The following POU6F2 variants were observed in gnomAD, a reference collection of about 807,000 sequenced individuals.
POU6F2 encodes POU class 6 homeobox 2.
A neutral mutation model predicts 71.3 loss-of-function variants in POU6F2; 31 were observed. That is an observed-to-expected ratio of 0.43 (90% CI 0.33 to 0.59). POU6F2 has a LOEUF of 0.59. Among genes scored for constraint, POU6F2 ranks in the 20% least tolerant of loss-of-function variants. POU6F2 has a pLI of 0.04. For missense variants in POU6F2, 783 were observed against 856.8 expected (o/e 0.91, Z 1.07); for synonymous variants, 347 against 355.7 (o/e 0.98, Z 0.27).
At chr7:39,255,901 CT>C (rs1784011029) in intron 4 of POU6F2, among the ~76,000 whole-genome samples, 1 of 152,184 alleles carries the variant, frequency 6.6e-6, no homozygotes, top group Non-Finnish European at 1.5e-5. Flanking sequence ...GTATCTTCTG[CT>C]TTTCTAGCCT....
chr7:39,161,335 G>A (rs963422494), intron 2 of POU6F2, among the ~76,000 whole-genome samples: 4 of 152,094 alleles, frequency 2.6e-5, no homozygotes, highest in Admixed American at 6.5e-5. Context: ...AAACTGATAC[G>A]CTACTTGAGT....
At chr7:39,265,307 C>T (rs1784218004) in intron 4 of POU6F2, among the ~76,000 whole-genome samples, 1 of 152,138 alleles carries the variant, frequency 6.6e-6, no homozygotes, top group African/African-American at 2.4e-5. Flanking sequence ...GCCAGCCTGC[C>T]TTACCAGAGC....
At chr7:39,251,869 C>A (rs1485269030) in intron 4 of POU6F2, among the ~76,000 whole-genome samples, 1 of 152,154 alleles carries the variant, frequency 6.6e-6, no homozygotes, top group Non-Finnish European at 1.5e-5. Flanking sequence ...TTCTTCCCTC[C>A]TTTGACCACC....
intron 4 of POU6F2, among the ~76,000 whole-genome samples, chr7:39,243,756 G>A (rs1783766711): frequency 6.6e-6 from 1 of 151,802 alleles, no homozygotes; most frequent in Admixed American, 6.6e-5. Context: ...AGCTCTGTTA[G>A]GATAGTACTC....
At chr7:39,294,905 C>G (rs1784819373) in intron 4 of POU6F2, among the ~76,000 whole-genome samples, 1 of 152,154 alleles carries the variant, frequency 6.6e-6, no homozygotes, top group South Asian at 2.1e-4. Flanking sequence ...ATTTCAGAGT[C>G]AGGCCTGGGA....
chr7:39,453,522 C>T (rs555433273), intron 8 of POU6F2, among the ~76,000 whole-genome samples: 1 of 152,300 alleles, frequency 6.6e-6, no homozygotes, highest in Non-Finnish European at 1.5e-5. Flanking sequence ...CAACCTCCTA[C>T]TAATACAGTG....
chr7:39,207,606 T>G lies in POU6F2; in HGVS notation c.584T>G (p.Leu195Arg). 1 of 1,613,744 alleles carries G rather than the reference T, an allele frequency of 6.2e-7. No homozygotes were observed. Among genetic ancestry groups the G allele is most frequent in the South Asian group, 1.1e-5 (1 of 91,060 alleles). ...GCCGGAGGCATTATGACTCTGCCAC[T>G]GCAAAATCTACAAGGTAATCCATAA... ...AAAGGIMTLPLQNLQATSSLN... is the reference protein window; with the variant it reads ...AAAGGIMTLPRQNLQATSSLN... Residue 195 changes from leucine (L) to arginine (R), a missense_variant, in exon 4 of 10, where the codon CTG (leucine) becomes CGG (arginine). Physicochemically the swap from Leu to Arg is moderately radical, Grantham distance 102. Coordinates refer to ENST00000518318, the MANE Select transcript of POU6F2 (RefSeq NM_001370959.1).
At chr7:39,032,688 G>A (rs538589698) in intron 1 of POU6F2, among the ~76,000 whole-genome samples, 27 of 152,270 alleles carry the variant, frequency 1.8e-4, no homozygotes, top group Admixed American at 1.2e-3. Flanking sequence ...TTTGATCTGC[G>A]TATTGCAGGA....
At chr7:39,249,637 A>C (rs1783879515) in intron 4 of POU6F2, among the ~76,000 whole-genome samples, 1 of 152,208 alleles carries the variant, frequency 6.6e-6, no homozygotes, top group African/African-American at 2.4e-5. Context: ...ACAGGACATA[A>C]AAAGCAGCTT....
intron 2 of POU6F2, among the ~76,000 whole-genome samples, chr7:39,117,098 T>C (rs1243910905): frequency 1.3e-5 from 2 of 152,208 alleles, no homozygotes; most frequent in East Asian, 1.9e-4. Context: ...TTTTGAAAGA[T>C]AGGTATGTTT....
At chr7:39,388,752 C>T (rs533425368) in intron 5 of POU6F2, among the ~76,000 whole-genome samples, 5 of 152,246 alleles carry the variant, frequency 3.3e-5, no homozygotes, top group African/African-American at 4.8e-5. Context: ...CTGTCAAGTG[C>T]GTCTATCTAT....
chr7:39,096,145 C>T (rs1376402471), intron 2 of POU6F2, among the ~76,000 whole-genome samples: 1 of 152,142 alleles, frequency 6.6e-6, no homozygotes. Flanking sequence ...GTCCTCTTAA[C>T]ATTTGTAATA....
chr7:39,450,376 G>A (rs1788629854), intron 7 of POU6F2, among the ~76,000 whole-genome samples: 1 of 152,110 alleles, frequency 6.6e-6, no homozygotes, highest in African/African-American at 2.4e-5. Flanking sequence ...ACCAAAAAGT[G>A]CTACATCCAA....
intron 4 of POU6F2, among the ~76,000 whole-genome samples, chr7:39,237,601 T>C (rs954317044): frequency 9.2e-5 from 14 of 152,092 alleles, no homozygotes; most frequent in African/African-American, 3.1e-4. Flanking sequence ...TAGAAAGGTG[T>C]CCATAGATGG....
chr7:38,982,999 T>C (rs1288887832), intron 1 of POU6F2, among the ~76,000 whole-genome samples: 1 of 152,128 alleles, frequency 6.6e-6, no homozygotes, highest in Admixed American at 6.5e-5. Flanking sequence ...AGTATTTTTC[T>C]CTTTATTGCT....
At chr7:39,262,080 G>A (rs1784148196) in intron 4 of POU6F2, among the ~76,000 whole-genome samples, 1 of 152,204 alleles carries the variant, frequency 6.6e-6, no homozygotes, top group African/African-American at 2.4e-5. Context: ...AATGGTGCCA[G>A]TTTGGGGAGA....
intron 6 of POU6F2, among the ~76,000 whole-genome samples, chr7:39,412,778 C>CATTTT (rs1787577914): frequency 4.3e-5 from 1 of 23,168 alleles, no homozygotes; most frequent in African/African-American, 1.2e-4. Flanking sequence ...GTTTTCTTGC[C>CATTTT]TTTTTTTTTT....
intron 5 of POU6F2, among the ~76,000 whole-genome samples, chr7:39,343,655 G>A (rs1011881071): frequency 1.3e-5 from 2 of 152,136 alleles, no homozygotes; most frequent in Non-Finnish European, 2.9e-5. Flanking sequence ...CAGTCATGGT[G>A]TAGGTGGAAG....
At chr7:39,076,154 T>TCTC (rs1379989734) in intron 1 of POU6F2, among the ~76,000 whole-genome samples, 1 of 152,144 alleles carries the variant, frequency 6.6e-6, no homozygotes, top group Non-Finnish European at 1.5e-5. Context: ...CTTCCCTTTT[T>TCTC]CCTTTCCTTT....
Sources: allele counts gnomAD v4.1 joint callset (sites outside exome capture counted in the v4.1 genomes callset), GRCh38; gene constraint gnomAD v4.1.1; transcripts MANE v1.5; gene names NCBI Gene and HGNC (gene_info 2026-07-23, HGNC 2026-07-21).